Variants in EPYC observed in about 807,000 individuals in gnomAD.
EPYC encodes the protein dermatan sulfate proteoglycan 3.
EPYC carries 28 observed loss-of-function variants against 30.1 expected under a neutral mutation model. That is an observed-to-expected ratio of 0.93 (90% CI 0.69 to 1.28). The LOEUF (loss-of-function observed/expected upper bound fraction) is 1.28. Among genes scored for constraint, EPYC ranks in the 50% most tolerant of loss-of-function variants. EPYC has a pLI of 0.00. For synonymous variants in EPYC, 144 were observed against 141.4 expected (o/e 1.02, Z -0.13); for missense variants, 382 against 383.5 (o/e 1.00, Z 0.03).
Position 90,993,779 on chromosome 12 carries a change from T to C in EPYC, c.165+8622A>G, listed in dbSNP as rs80242088. ...TATGTATAATATTTTGAGATAAAAT[T>C]ATTGAACTAAGATTTATATTTTCAT... On this transcript the variant is annotated intron_variant, in intron 2 of 6. Transcript: ENST00000261172. 4.1e-3 allele frequency among the ~76,000 whole-genome samples: 629 copies of C among 151,664 alleles called. 1 individual carries two copies. Among genetic ancestry groups the C allele is most frequent in the African/African-American group, 0.015 (619 of 41,480 alleles).
At chr12:90,984,472 A>AT (rs556544632) in intron 2 of EPYC, among the ~76,000 whole-genome samples, 9 of 151,716 alleles carry the variant, frequency 5.9e-5, no homozygotes, top group East Asian at 3.9e-4. Context: ...GATGTGGCTC[A>AT]TTTTTTTTCT....
Position 90,964,157 on chromosome 12 carries a change from T to G in EPYC, c.968A>C (p.Ter323SerextTer30). The G allele has an allele frequency of 6.2e-7, 1 of 1,610,240 alleles. No homozygotes were observed. Among genetic ancestry groups the G allele is most frequent in the Non-Finnish European group, 8.5e-7 (1 of 1,177,556 alleles). Residue 323 changes from the stop codon to serine, a stop_lost, in exon 7 of 7, where the codon TAA becomes TCA. Coordinates refer to ENST00000261172, the MANE Select transcript of EPYC (RefSeq NM_004950.5). Reference sequence around the variant, plus strand: ...CGTAATGCTAACCATTATCTGAAATTAGACAAGGCTCCCAACAGGCAGACG... The same window carrying G: ...CGTAATGCTAACCATTATCTGAAATGAGACAAGGCTCCCAACAGGCAGACG... ...LPRLPVGSLV[*>S]
At chr12:90,984,140 A>G (rs1877391946) in intron 2 of EPYC, among the ~76,000 whole-genome samples, 1 of 151,956 alleles carries the variant, frequency 6.6e-6, no homozygotes, top group Non-Finnish European at 1.5e-5. Flanking sequence ...TAAGGTCCCA[A>G]TACTAACAGG....
intron 1 of EPYC, among the ~76,000 whole-genome samples, chr12:91,002,810 A>T (rs1877863447): frequency 6.6e-6 from 1 of 152,014 alleles, no homozygotes; most frequent in South Asian, 2.1e-4. Flanking sequence ...TGGATATTTT[A>T]ATTACAGTAA....
intron 2 of EPYC, among the ~76,000 whole-genome samples, chr12:90,988,684 A>G (rs1431471933): frequency 6.6e-6 from 1 of 152,134 alleles, no homozygotes; most frequent in Non-Finnish European, 1.5e-5. Flanking sequence ...TATTATGGCA[A>G]GTCTTATTAG....
At chr12:90,983,171 T>C (rs375472984) in intron 2 of EPYC, among the ~76,000 whole-genome samples, 27 of 152,272 alleles carry the variant, frequency 1.8e-4, no homozygotes, top group African/African-American at 6.3e-4. Flanking sequence ...TTAGTAGCCA[T>C]GTAGTCAATG....
chr12:90,971,600 G>T (rs559417269), intron 5 of EPYC, among the ~76,000 whole-genome samples, 200 bp downstream of exon 5: 1 of 151,832 alleles, frequency 6.6e-6, no homozygotes, highest in South Asian at 2.1e-4. Flanking sequence ...TGAGCCCAGG[G>T]AGGTCGAAGC....
At chr12:90,970,598 A>G (rs1340601409) in intron 5 of EPYC, among the ~76,000 whole-genome samples, 1 of 152,208 alleles carries the variant, frequency 6.6e-6, no homozygotes, top group African/African-American at 2.4e-5. Context: ...TAGCAAGACA[A>G]AAAACATTTA....
rs187359819 is a variant in EPYC at position 90,987,286 on chromosome 12, C to G, written c.166-9024G>C. 1.5e-3 allele frequency among the ~76,000 whole-genome samples: 235 copies of G among 152,196 alleles called. 1 individual carries two copies. Among genetic ancestry groups the G allele is most frequent in the African/African-American group, 5.4e-3 (225 of 41,528 alleles). ...ACATGCTAGCCCTGAGATAACCTCCCCTCCGCCCAGAGACATTCCAACCAC... is the reference window on the plus strand; with the variant it reads ...ACATGCTAGCCCTGAGATAACCTCCGCTCCGCCCAGAGACATTCCAACCAC... On this transcript the variant is annotated intron_variant, in intron 2 of 6. Transcript: ENST00000261172.
intron 1 of EPYC, among the ~76,000 whole-genome samples, chr12:91,003,378 C>G (rs547060228): frequency 6.6e-6 from 1 of 152,098 alleles, no homozygotes; most frequent in South Asian, 2.1e-4. Context: ...TCAGAACCAA[C>G]AGGAATACAT....
intron 2 of EPYC, among the ~76,000 whole-genome samples, chr12:90,984,755 A>G (rs1051087509): frequency 6.6e-6 from 1 of 151,966 alleles, no homozygotes; most frequent in African/African-American, 2.4e-5. Flanking sequence ...GCCTCCTCTA[A>G]TCTCCTCCAC....
chr12:90,965,171 T>G (rs1876864180), intron 6 of EPYC, among the ~76,000 whole-genome samples: 2 of 152,330 alleles, frequency 1.3e-5, no homozygotes, highest in Non-Finnish European at 2.9e-5. Context: ...ATACATGTTG[T>G]AGGATGTATT....
intron 3 of EPYC, among the ~76,000 whole-genome samples, chr12:90,977,318 G>A (rs560123033): frequency 2.6e-3 from 392 of 152,158 alleles, no homozygotes; most frequent in Non-Finnish European, 4.7e-3. Context: ...CAAGAAATAC[G>A]GACATATTAT....
chr12:91,004,250 T>G (rs1420052021), intron 1 of EPYC, among the ~76,000 whole-genome samples: 1 of 152,120 alleles, frequency 6.6e-6, no homozygotes, highest in African/African-American at 2.4e-5. Context: ...CACATCATAC[T>G]ATATTTGATT....
At chr12:91,003,888 G>A (rs1436153486) in intron 1 of EPYC, among the ~76,000 whole-genome samples, 1 of 152,122 alleles carries the variant, frequency 6.6e-6, no homozygotes, top group Non-Finnish European at 1.5e-5. Flanking sequence ...GGTTTAGGCA[G>A]AAGGATATGA....
At chr12:90,968,875 C>T (rs1338744158) in intron 6 of EPYC, among the ~76,000 whole-genome samples, 1 of 151,456 alleles carries the variant, frequency 6.6e-6, no homozygotes, top group Non-Finnish European at 1.5e-5. Context: ...GAAATTCACC[C>T]CCAGAAAAAA....
At chr12:90,984,205 A>G (rs1877393680) in intron 2 of EPYC, among the ~76,000 whole-genome samples, 2 of 152,108 alleles carry the variant, frequency 1.3e-5, no homozygotes. Flanking sequence ...GGACCACTAA[A>G]TCTGACCTTC....
At chr12:91,000,076 C>T (rs1011078049) in intron 2 of EPYC, among the ~76,000 whole-genome samples, 9 of 151,806 alleles carry the variant, frequency 5.9e-5, no homozygotes, top group Non-Finnish European at 8.8e-5. Flanking sequence ...GTATCTATAC[C>T]GTCTACCTAC....
Position 91,004,936 on chromosome 12 carries a change from TA to T in EPYC, c.-14+10del, listed in dbSNP as rs1877918242. ...CTCTGACCCAAGAAGAAAGCAAGTA[TA>T]AAAACTTACCTTTGGCTCTGACCTG... On this transcript the variant is annotated intron_variant, in intron 1 of 6. Transcript: ENST00000261172. The T allele has an allele frequency of 6.6e-6, 1 of 151,980 alleles. No individual in the cohort carries two copies. Among genetic ancestry groups the T allele is most frequent in the South Asian group, 2.1e-4 (1 of 4,822 alleles). The allele number at this position is 151,980 out of a possible 1,614,324, so 9.4% of individuals were successfully genotyped here. A position where few individuals can be genotyped will look rare whatever the true frequency, so the allele number is the denominator to read the frequency against.
Sources: allele counts gnomAD v4.1 joint callset (sites outside exome capture counted in the v4.1 genomes callset), GRCh38; gene constraint gnomAD v4.1.1; transcripts MANE v1.5; gene names NCBI Gene and HGNC (gene_info 2026-07-23, HGNC 2026-07-21).